ATP5MJ: variants seen among roughly 807,000 people sequenced by gnomAD.
The protein encoded by ATP5MJ is ATP synthase membrane subunit j.
A neutral mutation model predicts 8.3 loss-of-function variants in ATP5MJ; 4 were observed. The ratio of observed to expected loss-of-function variants is 0.48; its 90% CI spans 0.24 to 1.11. The LOEUF is 1.11. Among genes scored for constraint, ATP5MJ ranks in the 50% least tolerant of loss-of-function variants. The pLI, the probability that ATP5MJ is intolerant of heterozygous loss-of-function variation, is 0.18. For missense variants in ATP5MJ, 66 were observed against 71.8 expected, an observed-to-expected ratio of 0.92 and a Z score of 0.29; for synonymous variants, 23 against 21.3, an observed-to-expected ratio of 1.08 and a Z score of -0.23.
rs184279837 is a variant in ATP5MJ, at chr14:103,916,024, C to T, written c.1-835G>A. On this transcript the variant is annotated intron_variant, in intron 1 of 3. Coordinates refer to ENST00000286953, the MANE Select transcript of ATP5MJ (RefSeq NM_004894.3). ...ATTCGAAGCTGAAAAAGAATATGGC[C>T]AGGGCATGGTGATTTCCTTGTGAAA... Among the ~76,000 whole-genome samples, 439 of 152,302 alleles carry T rather than the reference C, an allele frequency of 2.9e-3. 4 individuals carry two copies. The highest frequency in any genetic ancestry group is 0.01 in the African/African-American group (426 of 41,566).
intron 3 of ATP5MJ, chr14:103,912,937 C>T (rs1036893394): frequency 5.7e-6 from 3 of 529,236 alleles, no homozygotes; most frequent in Admixed American, 3.2e-5. Context: ...GGAAACACCT[C>T]CTCCTCAAAC....
intron 1 of ATP5MJ, among the ~76,000 whole-genome samples, chr14:103,920,200 C>A (rs1054478320): frequency 1.4e-4 from 21 of 150,770 alleles, no homozygotes; most frequent in African/African-American, 4.6e-4. Flanking sequence ...TCTCGGCTCA[C>A]TGCAACCTCC....
At chr14:103,915,210 T>TA in intron 1 of ATP5MJ, 21 bp from the exon 2 acceptor site, 2 of 1,607,064 alleles carry the variant, frequency 1.2e-6, no homozygotes, top group Non-Finnish European at 1.7e-6. Flanking sequence ...ACACAGTGAT[T>TA]AAAAATTAGA....
Position 103,915,172 on chromosome 14 carries a change from A to C in ATP5MJ, c.18T>G (p.Ile6Met). The change falls in exon 2 of 4, where the codon ATT becomes ATG. Residue 6 changes from isoleucine (I) to methionine (M), a missense_variant. Coordinates refer to ENST00000286953, the MANE Select transcript of ATP5MJ (RefSeq NM_004894.3). Reference sequence around the variant, plus strand: ...GCTTCATGGGGATCCATATGTTTTTAATAATACTTTGAAGCATCTGAAAAT... The same window carrying C: ...GCTTCATGGGGATCCATATGTTTTTCATAATACTTTGAAGCATCTGAAAAT... MLQSI[I>M]KNIWIPMKPY... 1 of 1,613,542 alleles carries C rather than the reference A, an allele frequency of 6.2e-7. No individual in the cohort carries two copies. Among genetic ancestry groups the C allele is most frequent in the Non-Finnish European group, 8.5e-7 (1 of 1,179,602 alleles).
intron 1 of ATP5MJ, among the ~76,000 whole-genome samples, chr14:103,918,363 T>C (rs75113950): frequency 0.023 from 3,464 of 151,326 alleles, 82 homozygotes; most frequent in East Asian, 0.063. Context: ...TCAGAGGTTT[T>C]TTTTTTTCTC....
intron 2 of ATP5MJ, 59 bp from the exon 3 acceptor site, chr14:103,914,043 G>T: frequency 6.7e-7 from 1 of 1,502,094 alleles, no homozygotes; most frequent in Non-Finnish European, 9.1e-7. Flanking sequence ...AAATGCCTTT[G>T]TCAAAATTAA....
intron 1 of ATP5MJ, among the ~76,000 whole-genome samples, chr14:103,917,047 AT>A (rs1261815636): frequency 6.6e-6 from 1 of 152,166 alleles, no homozygotes. Flanking sequence ...GGTGCCAGAC[AT>A]TGTTTTAGGA....
At position 103,915,042 on chromosome 14, in the gene ATP5MJ, A is replaced by G. The variant is rs765456053; in HGVS notation, c.124+24T>C. 4.3e-6 allele frequency: 7 copies of G among 1,613,422 alleles called. No individual in the cohort carries two copies. In the South Asian group the frequency reaches 7.7e-5, roughly 18 times the overall value. On this transcript the variant is annotated intron_variant, in intron 2 of 3. Transcript: ENST00000286953. ...AAATAATTTTCTTCCTGACCTCAGA[A>G]AAATCAAACATAAGGAAACGTACCA...
intron 1 of ATP5MJ, among the ~76,000 whole-genome samples, chr14:103,918,939 G>A (rs188697431): frequency 0.016 from 2,444 of 149,944 alleles, 69 homozygotes; most frequent in African/African-American, 0.057. Context: ...GGAGAATGGC[G>A]TGAACCCGGG....
intron 2 of ATP5MJ, 36 bp from the exon 3 acceptor site, chr14:103,914,020 C>T (rs754409261): frequency 6.4e-7 from 1 of 1,570,372 alleles, no homozygotes; most frequent in East Asian, 2.2e-5. Context: ...GCAGTCATAT[C>T]AATGCTTTAC....
intron 1 of ATP5MJ, chr14:103,920,889 C>T (rs1283572293): frequency 1.6e-6 from 2 of 1,285,904 alleles, no homozygotes; most frequent in Non-Finnish European, 2.2e-6. Context: ...TCTACTGTAT[C>T]CACTTAAGTC....
At chr14:103,920,994 G>C (rs2087673540) in intron 1 of ATP5MJ, 1 of 1,551,690 alleles carries the variant, frequency 6.4e-7, no homozygotes, top group Admixed American at 2.0e-5. Flanking sequence ...ATTTCATTCA[G>C]CACCGTATGA....
chr14:103,912,871 T>C (rs1567185064), intron 3 of ATP5MJ, 177 bp from the exon 4 acceptor site: 1 of 625,784 alleles, frequency 1.6e-6, no homozygotes. Context: ...TGCTTAAGGG[T>C]TCATGTAATG....
Position 103,915,199 on chromosome 14 carries a change from AAC to A in ATP5MJ, c.1-12_1-11del, listed in dbSNP as rs757394820. ...TAATACTTTGAAGCATCTGAAAATG[AAC>A]ACAGTGATTAAAAATTAGAATGATG... is the stretch of plus-strand genomic sequence containing the variant. On this transcript the variant is annotated splice_polypyrimidine_tract_variant and intron_variant, in intron 1 of 3. Transcript: ENST00000286953. 5 of 1,608,522 alleles carry A rather than the reference AAC, an allele frequency of 3.1e-6. No homozygotes were observed. Among genetic ancestry groups the A allele is most frequent in the East Asian group, 2.2e-5 (1 of 44,840 alleles).
chr14:103,915,133 T>C lies in ATP5MJ; in HGVS notation c.57A>G (p.Lys19=). 1 of 1,614,028 alleles carries C rather than the reference T, an allele frequency of 6.2e-7. No homozygotes were observed. Among genetic ancestry groups the C allele is most frequent in the African/African-American group, 1.3e-5 (1 of 75,028 alleles). ...IWIPMKPYYT[K]VYQEIWIGMG... ...TTCCTATCCAAATCTCCTGGTAAAC[T>C]TTGGTGTAGTAGGGCTTCATGGGGA... The change falls in exon 2 of 4, where the codon AAA becomes AAG. Residue 19 remains lysine (K), a synonymous_variant. Transcript: ENST00000286953.
chr14:103,919,029 A>G (rs768467711), intron 1 of ATP5MJ, among the ~76,000 whole-genome samples: 19 of 151,556 alleles, frequency 1.3e-4, no homozygotes, highest in African/African-American at 1.9e-4. Flanking sequence ...CTCAAAAACA[A>G]AAACAAAGGA....
In ATP5MJ at chr14:103,913,693, T is replaced by C. The variant is rs76042143; in HGVS notation, c.148+268A>G. 964 of 557,310 alleles carry C rather than the reference T, an allele frequency of 1.7e-3. 10 individuals are homozygous for C. The highest frequency in any genetic ancestry group is 0.017 in the African/African-American group (900 of 52,398). 34.5% of individuals were successfully genotyped at this position (557,310 alleles called of 1,614,324 possible). ...TGCACAGCTCACTTGTGCTTCCCTATTGGTGATGATATCGACTACCTCTAA... is the reference window on the plus strand; with the variant it reads ...TGCACAGCTCACTTGTGCTTCCCTACTGGTGATGATATCGACTACCTCTAA... On this transcript the variant is annotated intron_variant, in intron 3 of 3. Transcript: ENST00000286953.
Position 103,913,119 on chromosome 14 carries a change from T to G in ATP5MJ, c.149-425A>C, listed in dbSNP as rs138397016. The G allele has an allele frequency of 5.9e-3, 932 of 158,762 alleles. 4 individuals are homozygous for G. The highest frequency in any genetic ancestry group is 0.016 in the Middle Eastern group (5 of 320). 9.8% of individuals were successfully genotyped at this position (158,762 alleles called of 1,614,324 possible). ...GCCAAGGCAGGTGGATCACCTGAGG[T>G]AGGAGTTTGAAACCAGCCGGCCAAC... On this transcript the variant is annotated intron_variant, in intron 3 of 3. Coordinates refer to ENST00000286953, the MANE Select transcript of ATP5MJ (RefSeq NM_004894.3).
At chr14:103,920,129 C>CTTTT (rs74373978) in intron 1 of ATP5MJ, among the ~76,000 whole-genome samples, 4 of 121,498 alleles carry the variant, frequency 3.3e-5, no homozygotes, top group South Asian at 2.8e-4. Context: ...CCGGCCCCTA[C>CTTTT]TTTTTTTTTT....
Sources: allele counts gnomAD v4.1 joint callset (sites outside exome capture counted in the v4.1 genomes callset), GRCh38; gene constraint gnomAD v4.1.1; transcripts MANE v1.5; gene names NCBI Gene and HGNC (gene_info 2026-07-23, HGNC 2026-07-21).